The following NBEAL2 variants were observed in gnomAD, a reference collection of about 807,000 sequenced individuals.
NBEAL2 encodes neurobeachin like 2, also known as neurobeachin-like protein 2.
NBEAL2 carries 160 observed loss-of-function variants against 299.8 expected under a neutral mutation model. The observed-to-expected ratio is 0.53, with a 90% CI of 0.47 to 0.61. NBEAL2 has a LOEUF of 0.61. Ranked by LOEUF, NBEAL2 falls within the 20% of genes least tolerant of loss-of-function variation. The pLI is 0.00. For missense variants in NBEAL2, 3,112 were observed against 3,649.0 expected (o/e 0.85, Z 3.79); for synonymous variants, 1,493 against 1,542.3 (o/e 0.97, Z 0.75).
chr3:46,983,471 G>A (rs533499652), intron 1 of NBEAL2, among the ~76,000 whole-genome samples: 4 of 151,886 alleles, frequency 2.6e-5, no homozygotes, highest in South Asian at 2.1e-4. Context: ...CACCACACCC[G>A]GCTAATTTTT....
At position 47,000,800 on chromosome 3, in the gene NBEAL2, TC is replaced by T. The variant is rs1477536322; in HGVS notation, c.4306-200del. 2.8e-5 allele frequency: 22 copies of T among 773,696 alleles called. No homozygotes were observed. The highest frequency in any genetic ancestry group is 1.1e-4 in the African/African-American group (6 of 56,852). The allele number at this position is 773,696 out of a possible 1,614,324, so 47.9% of individuals were successfully genotyped here. ...TGGGAGTCTGGCAAGACCCCAGGATTCTGCCTGGAACTCAGGTAGTAGTTGA... is the reference window on the plus strand; with the variant it reads ...TGGGAGTCTGGCAAGACCCCAGGATTTGCCTGGAACTCAGGTAGTAGTTGA... On this transcript the variant is annotated intron_variant, in intron 27 of 53. Coordinates refer to ENST00000450053, the MANE Select transcript of NBEAL2 (RefSeq NM_015175.3). The surrounding 1 kb of genome is among the most constrained non-coding windows in gnomAD (Gnocchi z 4.5).
chr3:46,996,128 C>G, intron 15 of NBEAL2, 77 bp downstream of exon 15: 2 of 1,547,560 alleles, frequency 1.3e-6, no homozygotes, highest in Non-Finnish European at 1.7e-6. Context: ...TAGCCTGGAG[C>G]CCTTGTGTCC....
Position 47,007,324 on chromosome 3 carries a change from C to T in NBEAL2, c.7308C>T (p.Ser2436=). 6.2e-7 allele frequency: 1 copy of T among 1,609,582 alleles called. No homozygotes were observed. Among genetic ancestry groups the T allele is most frequent in the East Asian group, 2.2e-5 (1 of 44,684 alleles). Residue 2436 remains serine (S), a synonymous_variant, in exon 47 of 54, where the codon AGC becomes AGT. Coordinates refer to ENST00000450053, the MANE Select transcript of NBEAL2 (RefSeq NM_015175.3). ...ACATAAGCAACTACTTCAGCTTCAG[C>T]AAAGACCCCACCATGGGCAGCCACA... ...DRNISNYFSF[S]KDPTMGSHKT... is the part of the protein sequence containing the mutation.
intron 10 of NBEAL2, 151 bp from the exon 11 acceptor site, chr3:46,993,786 G>A: frequency 2.9e-6 from 2 of 687,508 alleles, no homozygotes; most frequent in Middle Eastern, 3.1e-4. Flanking sequence ...TTGGGGCAAG[G>A]AGTAGAAGGC....
chr3:46,997,324 G>C lies in NBEAL2; in HGVS notation c.2715G>C (p.Gln905His), dbSNP rs749074315. The C allele has an allele frequency of 5.0e-6, 8 of 1,613,022 alleles. No individual in the cohort carries two copies. The highest frequency in any genetic ancestry group is 6.8e-6 in the Non-Finnish European group (8 of 1,179,870). Residue 905 changes from glutamine to histidine, a missense_variant, in exon 19 of 54, where the codon CAG becomes CAC. Around this residue, in one of 3 missense-constraint regions of NBEAL2, gnomAD observed 2,243 missense variants for 2,538.1 expected, o/e 0.88. Coordinates refer to ENST00000450053, the MANE Select transcript of NBEAL2 (RefSeq NM_015175.3). The stretch of plus-strand genomic sequence containing the variant: ...CCCTGCTGGAGCGAGTAGCTGCACA[G>C]CCCAAAGAGGCTGAAGCAGGTCCAG... ...LLPLLERVAA[Q>H]PKEAEAGPAE... is the part of the protein sequence containing the mutation.
chr3:47,005,609 G>A lies in NBEAL2; in HGVS notation c.6681G>A (p.Glu2227=). 2 of 1,613,634 alleles carry A rather than the reference G, an allele frequency of 1.2e-6. No homozygotes were observed. The highest frequency in any genetic ancestry group is 1.7e-6 in the Non-Finnish European group (2 of 1,179,772). ...TCTTCTACTTTCCTGACTTCCTGGA[G>A]AACCAGAACGGTAGGTGTGAGGTGC... is the stretch of plus-strand genomic sequence containing the variant. The part of the protein sequence containing the change: ...PEFFYFPDFL[E]NQNGFDLGCL... Residue 2227 remains glutamate, a synonymous_variant, in exon 41 of 54, where the codon GAG becomes GAA. Transcript: ENST00000450053.
In NBEAL2 at chr3:46,999,145, C is replaced by T. The variant is rs994939304; in HGVS notation, c.3543+28C>T. 3.2e-6 allele frequency: 5 copies of T among 1,552,172 alleles called. No homozygotes were observed. The African/African-American group carries it at 5.5e-5, about 17-fold the overall frequency. On this transcript the variant is annotated intron_variant, in intron 24 of 53. Transcript: ENST00000450053. ...ACACCCAGCCCACCCCCTCCCCTGG[C>T]ATCCCATTCACTGGGGCCCCTGCCT...
intron 10 of NBEAL2, among the ~76,000 whole-genome samples, chr3:46,993,172 A>G (rs2036231248): frequency 6.6e-6 from 1 of 152,224 alleles, no homozygotes; most frequent in Non-Finnish European, 1.5e-5. Context: ...TTACACGTCT[A>G]TTCATCTGCA....
At chr3:46,992,058 T>A in intron 9 of NBEAL2, 112 bp downstream of exon 9, 1 of 982,716 alleles carries the variant, frequency 1.0e-6, no homozygotes, top group Non-Finnish European at 1.6e-6. Context: ...GTCAGTGTTT[T>A]GCAGCTGGTG....
chr3:47,007,327 A>G lies in NBEAL2; in HGVS notation c.7311A>G (p.Lys2437=). Residue 2437 remains lysine, a synonymous_variant, in exon 47 of 54, where the codon AAA becomes AAG. Transcript: ENST00000450053. Reference sequence around the variant, plus strand: ...TAAGCAACTACTTCAGCTTCAGCAAAGACCCCACCATGGGCAGCCACAAGT... The same window carrying G: ...TAAGCAACTACTTCAGCTTCAGCAAGGACCCCACCATGGGCAGCCACAAGT... ...RNISNYFSFS[K]DPTMGSHKTQ... 1 of 1,609,418 alleles carries G rather than the reference A, an allele frequency of 6.2e-7. No individual in the cohort carries two copies. The highest frequency in any genetic ancestry group is 1.7e-5 in the Admixed American group (1 of 59,432).
rs2036584265 is a variant in NBEAL2 at position 46,997,439 on chromosome 3, T to C, written c.2824+6T>C. 5.6e-6 allele frequency: 9 copies of C among 1,606,276 alleles called. No individual in the cohort carries two copies. Among genetic ancestry groups the C allele is most frequent in the Non-Finnish European group, 7.7e-6 (9 of 1,174,736 alleles). On this transcript the variant is annotated splice_donor_region_variant and intron_variant, in intron 19 of 53. Transcript: ENST00000450053. ...CCCATTGGGTAAATCTTCAGGTAAG[T>C]GTTCCTGGTGCCTATGTTGTGGAGA...
In NBEAL2 at chr3:46,996,960, A is replaced by T; in HGVS notation, c.2563A>T (p.Lys855Ter). The change falls in exon 18 of 54, where the codon AAG (lysine) becomes TAG (stop). Residue 855 changes from lysine to a stop codon, truncating the protein, a stop_gained. Transcript: ENST00000450053. LOFTEE classifies it high-confidence loss of function. ...CCCATTCCCCTATCCCTAGGCTTGT[A>T]AGAACAACATCTGCCTGGACCTGTC... ...LLLHYSPQAC[K>*]NNICLDLSPS... 6.2e-7 allele frequency: 1 copy of T among 1,613,190 alleles called. No individual in the cohort carries two copies. The highest frequency in any genetic ancestry group is 8.5e-7 in the Non-Finnish European group (1 of 1,179,792).
At position 46,989,923 on chromosome 3, in the gene NBEAL2, C is replaced by G. The variant is rs1040945511; in HGVS notation, c.556+330C>G. On this transcript the variant is annotated intron_variant, in intron 6 of 53. Coordinates refer to ENST00000450053, the MANE Select transcript of NBEAL2 (RefSeq NM_015175.3). The surrounding 1 kb of genome is among the most constrained non-coding windows in gnomAD (Gnocchi z 5.5). ...TCCAATCCCTTTGTCCCCATAGCCT[C>G]CACGCATCTCCACCCATCCCGGAGA... 3.3e-5 allele frequency among the ~76,000 whole-genome samples: 5 copies of G among 152,144 alleles called. No homozygotes were observed. Among genetic ancestry groups the G allele is most frequent in the Non-Finnish European group, 5.9e-5 (4 of 68,020 alleles).
Position 46,989,128 on chromosome 3 carries a change from C to T in NBEAL2, c.313C>T (p.Pro105Ser). The T allele has an allele frequency of 6.2e-7, 1 of 1,613,808 alleles. No individual in the cohort carries two copies. Among genetic ancestry groups the T allele is most frequent in the Non-Finnish European group, 8.5e-7 (1 of 1,179,830 alleles). The part of the protein sequence containing the change: ...IEAGRGQVLV[P>S]RVLALLTKLV... ...GGCAGGCCGGGGCCAAGTGCTAGTG[C>T]CCCGAGTGCTGGCACTGTTGACCAA... Residue 105 changes from proline to serine, a missense_variant, in exon 4 of 54, where the codon CCC becomes TCC. By Grantham distance (74) the Pro-to-Ser change is moderately conservative. Coordinates refer to ENST00000450053, the MANE Select transcript of NBEAL2 (RefSeq NM_015175.3). This position sits in a 1 kb window ranked among gnomAD's most constrained non-coding sequence, Gnocchi z 5.5.
At position 46,998,532 on chromosome 3, in the gene NBEAL2, A is replaced by G. The variant is rs746892894; in HGVS notation, c.3188A>G (p.Gln1063Arg). 2 of 1,612,896 alleles carry G rather than the reference A, an allele frequency of 1.2e-6. No individual in the cohort carries two copies. The highest frequency in any genetic ancestry group is 1.6e-4 in the Middle Eastern group (1 of 6,062). Residue 1063 changes from glutamine (Q) to arginine (R), a missense_variant, in exon 22 of 54, where the codon CAG becomes CGG. Gln to Arg is a conservative substitution (Grantham distance 43). Around this residue, in one of 3 missense-constraint regions of NBEAL2, gnomAD observed 2,243 missense variants for 2,538.1 expected, o/e 0.88. Coordinates refer to ENST00000450053, the MANE Select transcript of NBEAL2 (RefSeq NM_015175.3). ...AAGCTGCGGAAGAAGTACGGCGTCC[A>G]GTTTATCTTGGATGCTCTGCGCACC... ...RQKLRKKYGV[Q>R]FILDALRTHY...
Position 46,995,326 on chromosome 3 carries a change from A to G in NBEAL2, c.1591A>G (p.Met531Val), listed in dbSNP as rs767599565. ...QALGRVSIRP[M>V]ELRHLLRPRP... is the part of the protein sequence containing the mutation. ...ACTGGGCCGTGTATCAATAAGGCCC[A>G]TGGAGCTGCGTCACCTGCTGCGCCC... Residue 531 changes from methionine (M) to valine (V), a missense_variant, in exon 13 of 54, where the codon ATG becomes GTG. Met to Val is a conservative substitution (Grantham distance 21, BLOSUM62 1). Around this residue, in one of 3 missense-constraint regions of NBEAL2, gnomAD observed 2,243 missense variants for 2,538.1 expected, o/e 0.88. Transcript: ENST00000450053. 3.8e-6 allele frequency: 6 copies of G among 1,599,172 alleles called. No homozygotes were observed. The highest frequency in any genetic ancestry group is 2.3e-5 in the East Asian group (1 of 44,086).
rs1295253240 is a variant in NBEAL2, at chr3:47,001,197, G to A, written c.4484+18G>A. 3 of 1,604,458 alleles carry A rather than the reference G, an allele frequency of 1.9e-6. No homozygotes were observed. Among genetic ancestry groups the A allele is most frequent in the Non-Finnish European group, 2.6e-6 (3 of 1,173,094 alleles). On this transcript the variant is annotated intron_variant, in intron 28 of 53. Coordinates refer to ENST00000450053, the MANE Select transcript of NBEAL2 (RefSeq NM_015175.3). This position sits in a 1 kb window ranked among gnomAD's most constrained non-coding sequence, Gnocchi z 6.1. The stretch of plus-strand genomic sequence containing the variant: ...AAGCGCAGGTGAGAGGGAAAGTCTG[G>A]AGGGGGAGGGGCTTCAGGAAGCCTC...
rs916350404 is a variant in NBEAL2, at chr3:46,988,155, C to T, written c.52-514C>T. Reference sequence around the variant, plus strand: ...AGGATGTGCGCATGTCTGGGTCTGCCTGTCTAATGGTACACGTGTGTCCTG... The same window carrying T: ...AGGATGTGCGCATGTCTGGGTCTGCTTGTCTAATGGTACACGTGTGTCCTG... On this transcript the variant is annotated intron_variant, in intron 1 of 53. Transcript: ENST00000450053. The surrounding 1 kb of genome is among the most constrained non-coding windows in gnomAD (Gnocchi z 4.4). 1 of 1,007,096 alleles carries T rather than the reference C, an allele frequency of 9.9e-7. No homozygotes were observed. The highest frequency in any genetic ancestry group is 7.7e-5 in the East Asian group (1 of 13,034). The allele number at this position is 1,007,096 out of a possible 1,614,324, so 62.4% of individuals were successfully genotyped here.
In NBEAL2 at chr3:46,999,426, G is replaced by C. The variant is rs776853512; in HGVS notation, c.3655G>C (p.Val1219Leu). Reference protein sequence around the residue: ...GLVACLPEGTVSPQLCQGLYK... With the variant: ...GLVACLPEGTLSPQLCQGLYK... ...GGTTGCCTGCTTGCCTGAGGGGACT[G>C]TTTCCCCCCAGCTCTGCCAGGGCCT... is the stretch of plus-strand genomic sequence containing the variant. Residue 1219 changes from valine (V) to leucine (L), a missense_variant, in exon 25 of 54, where the codon GTT (valine) becomes CTT (leucine). Physicochemically the swap from Val to Leu is conservative, Grantham distance 32. Coordinates refer to ENST00000450053, the MANE Select transcript of NBEAL2 (RefSeq NM_015175.3). 5.7e-6 allele frequency: 9 copies of C among 1,590,526 alleles called. No individual in the cohort carries two copies. Among genetic ancestry groups the C allele is most frequent in the Middle Eastern group, 1.7e-4 (1 of 6,034 alleles).
Sources: allele counts gnomAD v4.1 joint callset (sites outside exome capture counted in the v4.1 genomes callset), GRCh38; gene constraint gnomAD v4.1.1; regional missense constraint gnomAD v4.1.1; non-coding constraint Gnocchi (gnomAD v3.1); transcripts MANE v1.5; gene names NCBI Gene and HGNC (gene_info 2026-07-23, HGNC 2026-07-21).